The following WWOX variants were observed in gnomAD, a reference collection of about 807,000 sequenced individuals.
WWOX encodes the protein WW domain-containing oxidoreductase.
WWOX carries 69 observed loss-of-function variants against 46.2 expected under a neutral mutation model. That is an observed-to-expected ratio of 1.49 (90% CI 1.23 to 1.82). The LOEUF (loss-of-function observed/expected upper bound fraction) is 1.82, where lower values mean the gene tolerates loss of function less well. WWOX is among the 40% of genes most tolerant of loss of function. The pLI is 0.00. For missense variants in WWOX, 919 were observed against 542.6 expected (o/e 1.69, Z -6.89); for synonymous variants, 359 against 202.6 (o/e 1.77, Z -6.56).
In WWOX at chr16:78,643,193, C is replaced by A. The variant is rs535300159; in HGVS notation, c.1056+210441C>A. 9.2e-5 allele frequency among the ~76,000 whole-genome samples: 14 copies of A among 152,264 alleles called. No homozygotes were observed. In the East Asian group the frequency reaches 2.7e-3, roughly 29 times the overall value. ...CTTGTAATATTTGCAGCATGTCTTG[C>A]CCTCTTAATGTCTAAGAAGTCAAAA... On this transcript the variant is annotated intron_variant, in intron 8 of 8. Transcript: ENST00000566780.
At chr16:78,659,318 G>C (rs2047157100) in intron 8 of WWOX, among the ~76,000 whole-genome samples, 1 of 151,970 alleles carries the variant, frequency 6.6e-6, no homozygotes, top group Non-Finnish European at 1.5e-5. Context: ...CACAGCCTGA[G>C]CTCCTAACCA....
chr16:78,832,230 G>C (rs1445081015), intron 8 of WWOX, among the ~76,000 whole-genome samples: 1 of 152,132 alleles, frequency 6.6e-6, no homozygotes, highest in Non-Finnish European at 1.5e-5. Context: ...GCTTTTAGCA[G>C]GAGGCCTCAG....
intron 5 of WWOX, among the ~76,000 whole-genome samples, chr16:78,206,828 C>G (rs1053342388): frequency 6.6e-6 from 1 of 152,192 alleles, no homozygotes; most frequent in South Asian, 2.1e-4. Flanking sequence ...GGTCACACAA[C>G]TAAAAGAAGT....
chr16:78,954,977 A>T (rs1391707487), intron 8 of WWOX, among the ~76,000 whole-genome samples: 1 of 152,028 alleles, frequency 6.6e-6, no homozygotes, highest in Non-Finnish European at 1.5e-5. Flanking sequence ...TTTTGTAGGG[A>T]CAGGGCCTCA....
At chr16:78,835,202 G>A (rs1275707352) in intron 8 of WWOX, among the ~76,000 whole-genome samples, 1 of 151,950 alleles carries the variant, frequency 6.6e-6, no homozygotes, top group Non-Finnish European at 1.5e-5. Flanking sequence ...TTATTATAGT[G>A]GCCTTCTTAC....
intron 8 of WWOX, among the ~76,000 whole-genome samples, chr16:78,731,717 A>T (rs2048972713): frequency 6.6e-6 from 1 of 152,152 alleles, no homozygotes; most frequent in Non-Finnish European, 1.5e-5. Context: ...TGTAAGAAGA[A>T]GCGGATAAGG....
At chr16:78,618,181 C>G (rs115409188) in intron 8 of WWOX, among the ~76,000 whole-genome samples, 17 of 152,162 alleles carry the variant, frequency 1.1e-4, no homozygotes, top group African/African-American at 4.1e-4. Context: ...ACTTGAGTCC[C>G]GATCTCACTG....
At chr16:78,430,807 C>G (rs935132474) in intron 7 of WWOX, among the ~76,000 whole-genome samples, 1 of 152,150 alleles carries the variant, frequency 6.6e-6, no homozygotes, top group African/African-American at 2.4e-5. Context: ...TTGGATGTCA[C>G]CGAGTCCTGT....
chr16:78,941,836 T>G (rs1322115147), intron 8 of WWOX, among the ~76,000 whole-genome samples: 1 of 152,164 alleles, frequency 6.6e-6, no homozygotes, highest in Non-Finnish European at 1.5e-5. Context: ...TACTACTATT[T>G]TTTCTTTTTT....
chr16:79,046,254 C>T (rs1410080936), intron 8 of WWOX, among the ~76,000 whole-genome samples: 1 of 152,206 alleles, frequency 6.6e-6, no homozygotes, highest in Non-Finnish European at 1.5e-5. Context: ...TTGTCTAACT[C>T]CCTTTTTTCC....
chr16:78,290,534 C>T (rs1038499463), intron 5 of WWOX, among the ~76,000 whole-genome samples: 4 of 152,164 alleles, frequency 2.6e-5, no homozygotes, highest in Admixed American at 1.3e-4. Flanking sequence ...TGCAAGGGAC[C>T]GTATTTATGA....
chr16:78,652,408 C>CAAAAA (rs747993811), intron 8 of WWOX, among the ~76,000 whole-genome samples: 32 of 107,444 alleles, frequency 3.0e-4, no homozygotes, highest in African/African-American at 8.8e-4. Flanking sequence ...GACTCCGTCT[C>CAAAAA]AAAAAAAAAA....
intron 8 of WWOX, among the ~76,000 whole-genome samples, chr16:78,796,710 G>T (rs1464716373): frequency 6.6e-6 from 1 of 152,214 alleles, no homozygotes; most frequent in African/African-American, 2.4e-5. Context: ...AAAGGGCCCT[G>T]CCTGGGCTAG....
Position 78,948,716 on chromosome 16 carries a change from T to C in WWOX, c.1057-262892T>C, listed in dbSNP as rs555798649. ...TTGGGGCTGGTGGTAGGCAGAACTT[T>C]GGCCCTCGACATCTCCTCTGTTGGC... On this transcript the variant is annotated intron_variant, in intron 8 of 8. Coordinates refer to ENST00000566780, the MANE Select transcript of WWOX (RefSeq NM_016373.4). Among the ~76,000 whole-genome samples the C allele has an allele frequency of 6.6e-5, 10 of 152,264 alleles. 1 individual carries two copies. The South Asian group carries it at 1.2e-3, about 19-fold the overall frequency.
chr16:78,515,226 A>G (rs2085461095), intron 8 of WWOX, among the ~76,000 whole-genome samples: 1 of 152,236 alleles, frequency 6.6e-6, no homozygotes, highest in Non-Finnish European at 1.5e-5. Context: ...CCTGTCTCAG[A>G]AACAGAAAAT....
At chr16:78,106,643 T>C (rs984890495) in intron 1 of WWOX, among the ~76,000 whole-genome samples, 5 of 152,142 alleles carry the variant, frequency 3.3e-5, no homozygotes, top group African/African-American at 4.8e-5. Context: ...CGCGAACTCC[T>C]GACCTCAGGT....
chr16:79,076,475 T>G (rs1054430964), intron 8 of WWOX, among the ~76,000 whole-genome samples: 1 of 152,190 alleles, frequency 6.6e-6, no homozygotes, highest in Admixed American at 6.5e-5. Context: ...TTCAAAAAAA[T>G]GCTGCTGGCT....
At chr16:78,820,381 A>G (rs1437881461) in intron 8 of WWOX, among the ~76,000 whole-genome samples, 1 of 152,210 alleles carries the variant, frequency 6.6e-6, no homozygotes, top group Non-Finnish European at 1.5e-5. Flanking sequence ...CGTGGAGTCA[A>G]CGAAGATCTG....
intron 8 of WWOX, among the ~76,000 whole-genome samples, chr16:78,750,286 A>G (rs1457651025): frequency 6.6e-6 from 1 of 152,196 alleles, no homozygotes; most frequent in Admixed American, 6.5e-5. Context: ...TCTGCAGGAC[A>G]GAAATGAGAG....
Sources: allele counts gnomAD v4.1 joint callset (sites outside exome capture counted in the v4.1 genomes callset), GRCh38; gene constraint gnomAD v4.1.1; transcripts MANE v1.5; gene names NCBI Gene and HGNC (gene_info 2026-07-23, HGNC 2026-07-21).